Variants in SCAP observed in about 807,000 individuals in gnomAD.
SCAP encodes sterol regulatory element-binding protein cleavage-activating protein.
Under a neutral mutation model 123.6 loss-of-function variants are expected in SCAP, and 65 were observed. The observed-to-expected ratio is 0.53, with a 90% CI of 0.43 to 0.65. SCAP has a LOEUF of 0.65. SCAP is among the 30% of genes least tolerant of loss of function. SCAP has a pLI of 0.00. For missense variants in SCAP, 1,398 were observed against 1,712.5 expected, an observed-to-expected ratio of 0.82 and a Z score of 3.24; for synonymous variants, 740 against 726.3, an observed-to-expected ratio of 1.02 and a Z score of -0.30.
intron 3 of SCAP, among the ~76,000 whole-genome samples, chr3:47,429,407 T>C (rs1706271882): frequency 1.3e-5 from 2 of 152,230 alleles, no homozygotes; most frequent in Admixed American, 1.3e-4. Flanking sequence ...TGCCCAATCA[T>C]GGCTCACTGA....
At chr3:47,475,166 C>G (rs1213916167) in intron 1 of SCAP, among the ~76,000 whole-genome samples, 2 of 152,076 alleles carry the variant, frequency 1.3e-5, no homozygotes, top group African/African-American at 4.8e-5. Context: ...TCACTGCCCC[C>G]CCCTCCGCAT....
rs999062799 is a variant in SCAP at position 47,420,154 on chromosome 3, G to T, written c.1563+400C>A. Among the ~76,000 whole-genome samples, 1 of 152,160 alleles carries T rather than the reference G, an allele frequency of 6.6e-6. No individual in the cohort carries two copies. The highest frequency in any genetic ancestry group is 6.5e-5 in the Admixed American group (1 of 15,288). On this transcript the variant is annotated intron_variant, in intron 12 of 22. Coordinates refer to ENST00000265565, the MANE Select transcript of SCAP (RefSeq NM_012235.4). The surrounding 1 kb of genome is among the most constrained non-coding windows in gnomAD (Gnocchi z 5.0). ...CTGGAAGAGGCACTGCTGCCCCAAG[G>T]CCAGCCCAGCCCGGCTGGTGAATGA...
At chr3:47,454,225 G>A (rs1242494142) in intron 1 of SCAP, among the ~76,000 whole-genome samples, 1 of 151,968 alleles carries the variant, frequency 6.6e-6, no homozygotes, top group Non-Finnish European at 1.5e-5. Context: ...AAATTAGCCG[G>A]GCGAGGTGGC....
chr3:47,455,091 ATAT>A lies in SCAP; in HGVS notation c.-98-12003_-98-12001del, dbSNP rs1559563644. Among the ~76,000 whole-genome samples, 428 of 90,756 alleles carry A rather than the reference ATAT, an allele frequency of 4.7e-3. 1 individual carries two copies. Among genetic ancestry groups the A allele is most frequent in the Non-Finnish European group, 6.2e-3 (249 of 40,220 alleles). 59.5% of individuals were successfully genotyped at this position (90,756 alleles called of 152,430 possible). ...TATATATATATATATATATATATATATATAATCAACTGAAAACCTTTTACAGTT... is the reference window on the plus strand; with the variant it reads ...TATATATATATATATATATATATATAAATCAACTGAAAACCTTTTACAGTT... On this transcript the variant is annotated intron_variant, in intron 1 of 22. Coordinates refer to ENST00000265565, the MANE Select transcript of SCAP (RefSeq NM_012235.4).
At chr3:47,460,888 G>A (rs1361163112) in intron 1 of SCAP, among the ~76,000 whole-genome samples, 1 of 152,138 alleles carries the variant, frequency 6.6e-6, no homozygotes, top group Non-Finnish European at 1.5e-5. Context: ...CATGGAAGAG[G>A]GTTCCAAACA....
intron 1 of SCAP, among the ~76,000 whole-genome samples, chr3:47,474,140 C>A (rs1708175331): frequency 6.6e-6 from 1 of 152,126 alleles, no homozygotes; most frequent in Admixed American, 6.5e-5. Flanking sequence ...TGGCGGGCGC[C>A]TGTAGTCCCA....
intron 1 of SCAP, among the ~76,000 whole-genome samples, chr3:47,455,133 C>T (rs955014638): frequency 2.7e-5 from 4 of 147,052 alleles, no homozygotes; most frequent in Non-Finnish European, 4.5e-5. Flanking sequence ...AAAAGAATCA[C>T]CATAAGGTAG....
At position 47,414,272 on chromosome 3, in the gene SCAP, A is replaced by C. The variant is rs1429346355; in HGVS notation, c.3502T>G (p.Cys1168Gly). The C allele has an allele frequency of 1.9e-6, 3 of 1,613,422 alleles. No homozygotes were observed. Among genetic ancestry groups the C allele is most frequent in the Non-Finnish European group, 2.5e-6 (3 of 1,180,030 alleles). Residue 1168 changes from cysteine to glycine, a missense_variant, in exon 22 of 23, where the codon TGT (cysteine) becomes GGT (glycine). By Grantham distance (159) the Cys-to-Gly change is radical. Around this residue, in one of 7 missense-constraint regions of SCAP, gnomAD observed 130 missense variants for 166.7 expected, o/e 0.78. Coordinates refer to ENST00000265565, the MANE Select transcript of SCAP (RefSeq NM_012235.4). ...AHRGDVTSLT[C>G]TTSCVISSGL... ...CTGCTGATGACACAGGAGGTGGTAC[A>C]GGTAAGGGAGGTGACATCCCCACGG...
intron 1 of SCAP, among the ~76,000 whole-genome samples, chr3:47,443,675 ACT>A (rs898065473): frequency 2.6e-5 from 4 of 152,048 alleles, no homozygotes; most frequent in African/African-American, 9.7e-5. Context: ...CTCTGGTAGA[ACT>A]CTCTGCTCTT....
In SCAP at chr3:47,428,638, C is replaced by T; in HGVS notation, c.285G>A (p.Gln95=). 1.2e-6 allele frequency: 2 copies of T among 1,614,132 alleles called. No homozygotes were observed. Among genetic ancestry groups the T allele is most frequent in the Admixed American group, 1.7e-5 (1 of 60,024 alleles). Residue 95 remains glutamine (Q), a synonymous_variant, in exon 4 of 23, where the codon CAG becomes CAA. Transcript: ENST00000265565. ...YVGAPVAYVQ[Q]IFVKSSVFPW... is the part of the protein sequence containing the mutation. ...GAAACACTGAGGACTTCACAAATAT[C>T]TGCTGGACATAAGCCACCGGGGCAC...
chr3:47,471,009 G>A (rs1324869493), intron 1 of SCAP, among the ~76,000 whole-genome samples: 4 of 152,174 alleles, frequency 2.6e-5, no homozygotes, highest in Non-Finnish European at 4.4e-5. Context: ...TGAAACAAGA[G>A]TGTCCCCAAG....
At chr3:47,470,886 C>T (rs1320024219) in intron 1 of SCAP, among the ~76,000 whole-genome samples, 2 of 152,012 alleles carry the variant, frequency 1.3e-5, no homozygotes, top group Non-Finnish European at 2.9e-5. Context: ...AAAAACCTTA[C>T]CAGTTCCCCA....
At chr3:47,466,890 C>G (rs1707847686) in intron 1 of SCAP, among the ~76,000 whole-genome samples, 1 of 151,904 alleles carries the variant, frequency 6.6e-6, no homozygotes, top group Non-Finnish European at 1.5e-5. Flanking sequence ...TTGAGACCAG[C>G]CTGGACAACA....
At chr3:47,433,785 T>A (rs1205328884) in intron 3 of SCAP, among the ~76,000 whole-genome samples, 1 of 151,972 alleles carries the variant, frequency 6.6e-6, no homozygotes, top group Admixed American at 6.6e-5. Context: ...GGAGAATCGC[T>A]TTCAACCCAG....
chr3:47,475,536 C>G (rs1468427814), intron 1 of SCAP: 1 of 152,322 alleles, frequency 6.6e-6, no homozygotes, highest in East Asian at 1.9e-4. Flanking sequence ...CCCGTCACAC[C>G]AGGGGCCCGC....
chr3:47,460,534 G>A (rs1707591967), intron 1 of SCAP, among the ~76,000 whole-genome samples: 1 of 152,120 alleles, frequency 6.6e-6, no homozygotes, highest in Non-Finnish European at 1.5e-5. Flanking sequence ...AACACTTCAA[G>A]AACTGTTTTT....
At position 47,413,872 on chromosome 3, in the gene SCAP, C is replaced by T; in HGVS notation, c.3822G>A (p.Val1274=). 6.2e-7 allele frequency: 1 copy of T among 1,612,956 alleles called. No homozygotes were observed. The highest frequency in any genetic ancestry group is 8.5e-7 in the Non-Finnish European group (1 of 1,180,012). Residue 1274 remains valine (V), a synonymous_variant, in exon 23 of 23, where the codon GTG becomes GTA. Coordinates refer to ENST00000265565, the MANE Select transcript of SCAP (RefSeq NM_012235.4). The part of the protein sequence containing the change: ...SELSLVYVPS[V]LEKLD The stretch of plus-strand genomic sequence containing the variant: ...CCTGCGCTCAGTCCAGCTTCTCCAG[C>T]ACAGAGGGCACATACACCAGGCTGA...
chr3:47,457,629 C>G (rs539744131), intron 1 of SCAP, among the ~76,000 whole-genome samples: 1 of 152,118 alleles, frequency 6.6e-6, no homozygotes, highest in Non-Finnish European at 1.5e-5. Flanking sequence ...TTCTCTGGGC[C>G]GGGCACGGTG....
At chr3:47,460,455 T>A (rs192373233) in intron 1 of SCAP, among the ~76,000 whole-genome samples, 241 of 152,290 alleles carry the variant, frequency 1.6e-3, no homozygotes, top group African/African-American at 5.4e-3. Context: ...TAAAATGAAA[T>A]CTTCACCATT....
Sources: allele counts gnomAD v4.1 joint callset (sites outside exome capture counted in the v4.1 genomes callset), GRCh38; gene constraint gnomAD v4.1.1; regional missense constraint gnomAD v4.1.1; non-coding constraint Gnocchi (gnomAD v3.1); transcripts MANE v1.5; gene names NCBI Gene and HGNC (gene_info 2026-07-23, HGNC 2026-07-21).